Variants in EPB41L2 observed in about 807,000 individuals in gnomAD.
The protein encoded by EPB41L2 is erythrocyte membrane protein band 4.1 like 2.
A neutral mutation model predicts 113.0 loss-of-function variants in EPB41L2; 43 were observed. The observed-to-expected ratio is 0.38, with a 90% CI of 0.30 to 0.49. The LOEUF is 0.49. EPB41L2 is among the 20% of genes least tolerant of loss of function. EPB41L2 has a pLI of 0.95. For synonymous variants in EPB41L2, 442 were observed against 436.7 expected (o/e 1.01, Z -0.15); for missense variants, 1,147 against 1,223.4 (o/e 0.94, Z 0.93).
At chr6:130,995,537 T>C (rs1490365694) in intron 1 of EPB41L2, among the ~76,000 whole-genome samples, 1 of 152,152 alleles carries the variant, frequency 6.6e-6, no homozygotes, top group African/African-American at 2.4e-5. Flanking sequence ...AAAACCAAAC[T>C]GTGCTCTGAC....
chr6:130,886,184 C>T (rs1161530911), intron 11 of EPB41L2, among the ~76,000 whole-genome samples: 2 of 152,164 alleles, frequency 1.3e-5, no homozygotes, highest in East Asian at 1.9e-4. Context: ...ACACAAACAC[C>T]TTTAGACTGC....
intron 18 of EPB41L2, among the ~76,000 whole-genome samples, chr6:130,859,442 T>C (rs1781315380): frequency 6.8e-6 from 1 of 147,980 alleles, no homozygotes; most frequent in East Asian, 2.0e-4. Flanking sequence ...AACCGGGAAG[T>C]GGAGGCTGCA....
At chr6:130,995,896 TC>T (rs751291752) in intron 1 of EPB41L2, among the ~76,000 whole-genome samples, 3 of 152,136 alleles carry the variant, frequency 2.0e-5, no homozygotes, top group Non-Finnish European at 4.4e-5. Context: ...CCTCCCACTG[TC>T]CCCTAAAATT....
At chr6:130,993,406 C>T (rs1162663557) in intron 1 of EPB41L2, among the ~76,000 whole-genome samples, 1 of 152,188 alleles carries the variant, frequency 6.6e-6, no homozygotes, top group African/African-American at 2.4e-5. Flanking sequence ...GCTCTTGTAT[C>T]GGTTCAAACC....
At chr6:131,009,255 C>A (rs145525788) in intron 1 of EPB41L2, among the ~76,000 whole-genome samples, 14 of 152,276 alleles carry the variant, frequency 9.2e-5, no homozygotes, top group African/African-American at 3.4e-4. Context: ...CTTCAGTCGG[C>A]ACTCATTCAC....
chr6:130,924,461 C>T (rs1803950751), intron 4 of EPB41L2, among the ~76,000 whole-genome samples: 1 of 152,098 alleles, frequency 6.6e-6, no homozygotes, highest in Admixed American at 6.5e-5. Context: ...TCACTGCAAC[C>T]TCTACCTCCC....
chr6:130,961,282 C>A (rs906360630), intron 1 of EPB41L2, among the ~76,000 whole-genome samples: 2 of 152,162 alleles, frequency 1.3e-5, no homozygotes, highest in African/African-American at 2.4e-5. Context: ...GACACAATTA[C>A]CATGTTGGCA....
chr6:130,852,515 T>G (rs73000216), intron 19 of EPB41L2, among the ~76,000 whole-genome samples: 24,590 of 152,054 alleles, frequency 0.16, 2,342 homozygotes, highest in African/African-American at 0.23. Context: ...ACAAAACTCA[T>G]GTATTGCACG....
chr6:130,991,538 T>G (rs1427893877), intron 1 of EPB41L2, among the ~76,000 whole-genome samples: 2 of 152,246 alleles, frequency 1.3e-5, no homozygotes, highest in African/African-American at 4.8e-5. Context: ...TACAGTATTT[T>G]GTTCCTTCAC....
chr6:130,954,040 C>CTTTCTTTCTTTTTTTT (rs1816373036), intron 3 of EPB41L2, among the ~76,000 whole-genome samples: 13 of 58,842 alleles, frequency 2.2e-4, no homozygotes, highest in African/African-American at 3.2e-4. Flanking sequence ...CCTTTTCTTT[C>CTTTCTTTCTTTTTTTT]TTTTTTTTTT....
At chr6:130,882,492 C>T (rs947713511) in intron 12 of EPB41L2, 1 of 152,662 alleles carries the variant, frequency 6.6e-6, no homozygotes, top group Non-Finnish European at 1.5e-5. Context: ...GTTGACTCCA[C>T]AAACTGAGCT....
At chr6:130,897,124 C>T (rs1161191199) in intron 8 of EPB41L2, among the ~76,000 whole-genome samples, 4 of 151,944 alleles carry the variant, frequency 2.6e-5, no homozygotes, top group African/African-American at 7.3e-5. Context: ...ACGGGTGTCC[C>T]GCTTCTCTTA....
Position 131,063,209 on chromosome 6 carries a change from G to C in EPB41L2, c.-69C>G, listed in dbSNP as rs1435101574. ...CCCTCTTCAGTCCCAGCCGCCGGCA[G>C]CCGCGCCTGCCTCCTCCCTCCGCTA... On this transcript the variant is annotated 5_prime_UTR_variant, in exon 1 of 20. Transcript: ENST00000337057. 6.5e-6 allele frequency: 1 copy of C among 152,754 alleles called. No individual in the cohort carries two copies. The highest frequency in any genetic ancestry group is 1.5e-5 in the Non-Finnish European group (1 of 68,556). The allele number at this position is 152,754 out of a possible 1,614,324, so 9.5% of individuals were successfully genotyped here. A position where few individuals can be genotyped will look rare whatever the true frequency, so the allele number is the denominator to read the frequency against.
intron 1 of EPB41L2, among the ~76,000 whole-genome samples, chr6:130,998,808 C>T (rs571155930): frequency 3.3e-5 from 5 of 152,138 alleles, no homozygotes; most frequent in Non-Finnish European, 5.9e-5. Context: ...GACACTGCTA[C>T]CCAACTAATC....
chr6:130,923,173 C>T (rs1297753707), intron 4 of EPB41L2, among the ~76,000 whole-genome samples: 1 of 152,118 alleles, frequency 6.6e-6, no homozygotes, highest in Non-Finnish European at 1.5e-5. Flanking sequence ...TCCTCATTCT[C>T]TCTTCAATCA....
intron 15 of EPB41L2, chr6:130,867,974 T>A (rs12212219): frequency 0.4 from 35,114 of 87,748 alleles, 4,211 homozygotes; most frequent in East Asian, 0.56. Flanking sequence ...ACACACACAC[T>A]CTCTCTCTCT....
Position 130,848,774 on chromosome 6 carries a change from A to C in EPB41L2, c.*6-8176T>G, listed in dbSNP as rs9492739. 8.8e-3 allele frequency among the ~76,000 whole-genome samples: 1,340 copies of C among 152,296 alleles called. 20 individuals carry two copies. Among genetic ancestry groups the C allele is most frequent in the African/African-American group, 0.031 (1,271 of 41,544 alleles). On this transcript the variant is annotated intron_variant, in intron 19 of 19. Coordinates refer to ENST00000337057, the MANE Select transcript of EPB41L2 (RefSeq NM_001431.4). ...ACTTGTTAATTAGTTGCCATAGTAAAATTCCCCTCTGATGCCACCCACAAA... is the reference window on the plus strand; with the variant it reads ...ACTTGTTAATTAGTTGCCATAGTAACATTCCCCTCTGATGCCACCCACAAA...
intron 3 of EPB41L2, among the ~76,000 whole-genome samples, chr6:130,940,502 G>T (rs1421058442): frequency 1.4e-5 from 2 of 147,224 alleles, no homozygotes; most frequent in Admixed American, 1.4e-4. Context: ...GTCTCACTCT[G>T]TCGCCCAGGC....
chr6:130,911,529 A>T (rs866156112), intron 4 of EPB41L2, among the ~76,000 whole-genome samples: 5 of 152,134 alleles, frequency 3.3e-5, no homozygotes, highest in Admixed American at 2.0e-4. Flanking sequence ...ATAATAATAA[A>T]AAAAAAGAAA....
Sources: gnomAD v4.1 joint callset for allele counts (sites outside exome capture counted in the v4.1 genomes callset) on GRCh38, gnomAD v4.1.1 for gene constraint, MANE v1.5 for transcripts, NCBI Gene and HGNC (gene_info 2026-07-23, HGNC 2026-07-21) for gene names.